The following GPM6A variants were observed in gnomAD, a reference collection of about 807,000 sequenced individuals.
GPM6A encodes neuronal membrane glycoprotein M6-a.
A neutral mutation model predicts 32.1 loss-of-function variants in GPM6A; 7 were observed. The observed-to-expected ratio is 0.22, with a 90% CI of 0.12 to 0.41. GPM6A has a LOEUF of 0.41. Ranked by LOEUF, GPM6A falls within the 10% of genes least tolerant of loss-of-function variation. The pLI, the probability that GPM6A is intolerant of heterozygous loss-of-function variation, is 1.00. For missense variants in GPM6A, 235 were observed against 347.2 expected (o/e 0.68, Z 2.57); for synonymous variants, 130 against 123.4 (o/e 1.05, Z -0.35).
intron 1 of GPM6A, among the ~76,000 whole-genome samples, chr4:175,929,341 C>A (rs1183340426): frequency 1.3e-5 from 2 of 152,198 alleles, no homozygotes; most frequent in African/African-American, 4.8e-5. Context: ...CTCATTAGTT[C>A]ATGCTCAACG....
Position 175,976,244 on chromosome 4 carries a change from G to C in GPM6A, c.-23+26065C>G, listed in dbSNP as rs562891436. On this transcript the variant is annotated intron_variant, in intron 1 of 7. Transcript: ENST00000280187. ...GCAAGCTGCACTCGGCTCACTGCAA[G>C]CTCCGCCTCCCAAGTTCACGCCATT... Among the ~76,000 whole-genome samples the C allele has an allele frequency of 3.3e-5, 5 of 149,290 alleles. No homozygotes were observed. The South Asian group carries it at 1.1e-3, about 33-fold the overall frequency.
intron 1 of GPM6A, among the ~76,000 whole-genome samples, chr4:175,702,959 C>T (rs1744961686): frequency 6.6e-6 from 1 of 152,122 alleles, no homozygotes; most frequent in Non-Finnish European, 1.5e-5. Context: ...ACTGGCACAG[C>T]AAATGAGAGC....
intron 2 of GPM6A, among the ~76,000 whole-genome samples, chr4:175,688,289 A>G (rs1322886541): frequency 6.6e-6 from 1 of 152,168 alleles, no homozygotes; most frequent in Non-Finnish European, 1.5e-5. Context: ...CAAAGGTATG[A>G]ACTTTTCTCC....
At chr4:175,697,851 G>T (rs1393784846) in intron 2 of GPM6A, among the ~76,000 whole-genome samples, 1 of 152,118 alleles carries the variant, frequency 6.6e-6, no homozygotes, top group Non-Finnish European at 1.5e-5. Context: ...GCTCCCACTG[G>T]CAGGGGCTGA....
At chr4:175,847,303 T>A (rs1258922804) in intron 1 of GPM6A, among the ~76,000 whole-genome samples, 1 of 152,202 alleles carries the variant, frequency 6.6e-6, no homozygotes. Context: ...CATTATTGCT[T>A]TCTGCTCTTT....
At chr4:175,718,311 T>A (rs992636024) in intron 1 of GPM6A, among the ~76,000 whole-genome samples, 61 of 152,250 alleles carry the variant, frequency 4.0e-4, no homozygotes, top group African/African-American at 1.3e-3. Context: ...TAAACTAATC[T>A]AGAAAAAGAA....
chr4:175,881,288 A>T (rs982534200), intron 1 of GPM6A, among the ~76,000 whole-genome samples: 3 of 152,214 alleles, frequency 2.0e-5, no homozygotes, highest in African/African-American at 7.2e-5. Context: ...TCAAAACCAC[A>T]GTGAGATATC....
chr4:175,704,013 T>C (rs1464129754), intron 1 of GPM6A, among the ~76,000 whole-genome samples: 2 of 152,230 alleles, frequency 1.3e-5, no homozygotes, highest in East Asian at 1.9e-4. Context: ...ATTATTATTG[T>C]GCTTAAGTCA....
intron 1 of GPM6A, among the ~76,000 whole-genome samples, chr4:175,761,019 G>A (rs1235498043): frequency 6.6e-6 from 1 of 152,070 alleles, no homozygotes; most frequent in East Asian, 1.9e-4. Context: ...ACTTCTAAGG[G>A]AAGTGCTGTT....
chr4:175,783,284 T>C (rs568049183), intron 1 of GPM6A, among the ~76,000 whole-genome samples: 1 of 152,022 alleles, frequency 6.6e-6, no homozygotes, highest in East Asian at 1.9e-4. Flanking sequence ...GTCACATTAA[T>C]TTTGCCAATA....
chr4:175,868,240 G>A (rs1407565903), intron 1 of GPM6A, among the ~76,000 whole-genome samples: 1 of 152,144 alleles, frequency 6.6e-6, no homozygotes, highest in Non-Finnish European at 1.5e-5. Flanking sequence ...GATCCAGAGT[G>A]TTGATTTTTC....
At chr4:175,950,266 C>T (rs1273920265) in intron 1 of GPM6A, among the ~76,000 whole-genome samples, 1 of 152,110 alleles carries the variant, frequency 6.6e-6, no homozygotes, top group Non-Finnish European at 1.5e-5. Flanking sequence ...ATGGGTCTAA[C>T]AGAGTCTCAA....
intron 2 of GPM6A, among the ~76,000 whole-genome samples, chr4:175,677,241 T>TGATAAAGTTAC (rs1316022462): frequency 1.3e-5 from 2 of 152,216 alleles, no homozygotes; most frequent in African/African-American, 4.8e-5. Context: ...TGATAAGTAA[T>TGATAAAGTTAC]ACATTTTCAT....
chr4:175,654,823 T>G (rs1051674335), intron 3 of GPM6A, among the ~76,000 whole-genome samples: 11 of 152,244 alleles, frequency 7.2e-5, no homozygotes, highest in Non-Finnish European at 5.9e-5. Context: ...AAACATGATA[T>G]GGCAGCCTGA....
chr4:175,752,333 C>T (rs1488141029), intron 1 of GPM6A, among the ~76,000 whole-genome samples: 2 of 152,074 alleles, frequency 1.3e-5, no homozygotes, highest in Non-Finnish European at 2.9e-5. Flanking sequence ...ATAATCTAAG[C>T]CTGCTGGTGG....
intron 1 of GPM6A, among the ~76,000 whole-genome samples, chr4:175,802,907 G>T (rs1347062324): frequency 6.6e-6 from 1 of 151,966 alleles, no homozygotes; most frequent in African/African-American, 2.4e-5. Context: ...CAAGAAAGCT[G>T]CTACCAAACT....
chr4:175,992,906 G>C (rs1741194607), intron 1 of GPM6A, among the ~76,000 whole-genome samples: 1 of 152,116 alleles, frequency 6.6e-6, no homozygotes, highest in African/African-American at 2.4e-5. Context: ...AACATTCTTA[G>C]ACAGTTTGTT....
At chr4:175,731,141 G>GGC (rs1731413101) in intron 1 of GPM6A, among the ~76,000 whole-genome samples, 1 of 151,946 alleles carries the variant, frequency 6.6e-6, no homozygotes, top group South Asian at 2.1e-4. Flanking sequence ...AAGATACCAC[G>GGC]GCACATCTTA....
chr4:175,718,719 T>C (rs75934222), intron 1 of GPM6A, among the ~76,000 whole-genome samples: 2,349 of 152,204 alleles, frequency 0.015, 57 homozygotes, highest in African/African-American at 0.053. Flanking sequence ...ACAGGTTTGT[T>C]CAAAGCACCA....
Sources: allele counts gnomAD v4.1 joint callset (sites outside exome capture counted in the v4.1 genomes callset), GRCh38; gene constraint gnomAD v4.1.1; transcripts MANE v1.5; gene names NCBI Gene and HGNC (gene_info 2026-07-23, HGNC 2026-07-21).